Variants in CNIH4 observed in about 807,000 individuals in gnomAD.
CNIH4 encodes the protein protein cornichon homolog 4.
Under a neutral mutation model 21.5 loss-of-function variants are expected in CNIH4, and 9 were observed. The ratio of observed to expected loss-of-function variants is 0.42; its 90% CI spans 0.25 to 0.73. The LOEUF (loss-of-function observed/expected upper bound fraction) is 0.73, where lower values mean the gene tolerates loss of function less well. Among genes scored for constraint, CNIH4 ranks in the 30% least tolerant of loss-of-function variants. The pLI is 0.27. For synonymous variants in CNIH4, 67 were observed against 59.1 expected (o/e 1.13, Z -0.61); for missense variants, 159 against 170.0 (o/e 0.94, Z 0.36).
chr1:224,363,077 A>G (rs1672346118), intron 2 of CNIH4, among the ~76,000 whole-genome samples: 1 of 149,530 alleles, frequency 6.7e-6, no homozygotes, highest in African/African-American at 2.5e-5. Flanking sequence ...GGAGTTTTGC[A>G]CTTGTTGTCT....
chr1:224,358,556 TA>T (rs200831994), intron 1 of CNIH4, among the ~76,000 whole-genome samples: 1,552 of 152,236 alleles, frequency 0.01, 8 homozygotes, highest in Middle Eastern at 0.017. Context: ...TAAACTTTCT[TA>T]AAACATTATG....
chr1:224,374,764 C>T (rs572865518), intron 4 of CNIH4, among the ~76,000 whole-genome samples: 8 of 152,140 alleles, frequency 5.3e-5, no homozygotes, highest in Non-Finnish European at 1.2e-4. Flanking sequence ...TTAATAGTAC[C>T]TACCTCATCA....
upstream of CNIH4, chr1:224,356,867 G>T: frequency 1.4e-6 from 2 of 1,453,174 alleles, no homozygotes; most frequent in South Asian, 1.2e-5. Context: ...CCTATCAGGG[G>T]TGGGTCGGGG....
chr1:224,371,259 T>C (rs1672618518), intron 3 of CNIH4, 24 bp from the exon 4 acceptor site: 4 of 1,598,134 alleles, frequency 2.5e-6, no homozygotes, highest in Non-Finnish European at 3.4e-6. Flanking sequence ...ATCCTTCTAA[T>C]GTGTGTATCC....
In CNIH4 at chr1:224,375,940, CA is replaced by C. The variant is rs1193482479; in HGVS notation, c.*124del. The C allele has an allele frequency of 3.6e-6, 5 of 1,383,676 alleles. No individual in the cohort carries two copies. The highest frequency in any genetic ancestry group is 4.7e-6 in the Non-Finnish European group (5 of 1,059,888). 85.7% of individuals were successfully genotyped at this position (1,383,676 alleles called of 1,614,324 possible). A position where few individuals can be genotyped will look rare whatever the true frequency, so the allele number is the denominator to read the frequency against. Reference sequence around the variant, plus strand: ...AGCAGTATATATTTTCCTCTTGGAACAAAAAACTATTTTTGCTGTATTTTTA... The same window carrying C: ...AGCAGTATATATTTTCCTCTTGGAACAAAAACTATTTTTGCTGTATTTTTA... On this transcript the variant is annotated 3_prime_UTR_variant, in exon 5 of 5. Coordinates refer to ENST00000465271, the MANE Select transcript of CNIH4 (RefSeq NM_014184.4).
rs939018564 is a variant in CNIH4 at position 224,378,431 on chromosome 1, A to G, written c.*2609A>G. 2.0e-5 allele frequency: 3 copies of G among 152,400 alleles called. No individual in the cohort carries two copies. The highest frequency in any genetic ancestry group is 7.2e-5 in the African/African-American group (3 of 41,476). The allele number at this position is 152,400 out of a possible 1,614,324, so 9.4% of individuals were successfully genotyped here. ...TTTAAAAAGCCATGTTTAAGATGCT[A>G]TAAATGTTCTCCCCTTTTCATTGAT... is the stretch of plus-strand genomic sequence containing the variant. On this transcript the variant is annotated 3_prime_UTR_variant, in exon 5 of 5. Transcript: ENST00000465271.
Position 224,378,947 on chromosome 1 carries a change from C to T in CNIH4, c.*3125C>T. ...CAGTGTTCTCTCTCCCTTACCACTC[C>T]TCTTCCCCTTCCCTCTATAATGGCA... On this transcript the variant is annotated 3_prime_UTR_variant, in exon 5 of 5. Transcript: ENST00000465271. The T allele has an allele frequency of 1.1e-6, 1 of 931,066 alleles. No homozygotes were observed. Among genetic ancestry groups the T allele is most frequent in the Non-Finnish European group, 1.7e-6 (1 of 585,806 alleles). The allele number at this position is 931,066 out of a possible 1,614,324, so 57.7% of individuals were successfully genotyped here.
intron 4 of CNIH4, among the ~76,000 whole-genome samples, chr1:224,373,783 A>G (rs1331313755): frequency 6.6e-6 from 1 of 152,042 alleles, no homozygotes. Flanking sequence ...AGCCGATATC[A>G]TGCCACTGCA....
intron 3 of CNIH4, among the ~76,000 whole-genome samples, 162 bp from the exon 4 acceptor site, chr1:224,371,121 C>G (rs1672611702): frequency 6.6e-6 from 1 of 152,194 alleles, no homozygotes; most frequent in African/African-American, 2.4e-5. Flanking sequence ...AGGTGATCCA[C>G]CTGCCTTGGC....
At chr1:224,370,602 A>G (rs531486379) in intron 3 of CNIH4, among the ~76,000 whole-genome samples, 1 of 152,294 alleles carries the variant, frequency 6.6e-6, no homozygotes, top group Non-Finnish European at 1.5e-5. Flanking sequence ...GTTTCTAAGA[A>G]CTTAATAAAA....
chr1:224,363,191 T>G (rs1672350401), intron 2 of CNIH4, among the ~76,000 whole-genome samples: 1 of 151,968 alleles, frequency 6.6e-6, no homozygotes, highest in South Asian at 2.1e-4. Flanking sequence ...ATTACAGGGG[T>G]GTGCCACCAT....
At chr1:224,374,386 C>T (rs1429209788) in intron 4 of CNIH4, among the ~76,000 whole-genome samples, 1 of 151,332 alleles carries the variant, frequency 6.6e-6, no homozygotes, top group African/African-American at 2.4e-5. Context: ...CTACCACTTA[C>T]ACTGTGGCCT....
intron 1 of CNIH4, among the ~76,000 whole-genome samples, chr1:224,358,975 T>C (rs925569303): frequency 6.6e-6 from 1 of 152,242 alleles, no homozygotes; most frequent in African/African-American, 2.4e-5. Flanking sequence ...TCTTGGACTT[T>C]GAACTGTGGA....
chr1:224,361,805 A>C (rs1672296688), intron 2 of CNIH4, among the ~76,000 whole-genome samples: 2 of 151,880 alleles, frequency 1.3e-5, no homozygotes, highest in African/African-American at 2.4e-5. Flanking sequence ...GGCTGGTCTG[A>C]AATTCCTAGG....
rs557596476 is a variant in CNIH4, at chr1:224,373,957, G to A, written c.393-1838G>A. ...GGCAACTCATGTAACTGGTTTGCCT[G>A]GGCAGCTGTGTACTTCACTGGCTGT... On this transcript the variant is annotated intron_variant, in intron 4 of 4. Coordinates refer to ENST00000465271, the MANE Select transcript of CNIH4 (RefSeq NM_014184.4). Among the ~76,000 whole-genome samples, 22 of 152,354 alleles carry A rather than the reference G, an allele frequency of 1.4e-4. No individual in the cohort carries two copies. In the South Asian group the frequency reaches 4.6e-3, roughly 32 times the overall value.
At chr1:224,366,514 C>A (rs1479487932) in intron 3 of CNIH4, among the ~76,000 whole-genome samples, 3 of 151,410 alleles carry the variant, frequency 2.0e-5, no homozygotes, top group African/African-American at 7.3e-5. Context: ...CAGTGCCTGG[C>A]TAATTTTTGT....
intron 4 of CNIH4, among the ~76,000 whole-genome samples, chr1:224,372,614 G>C (rs996474025): frequency 6.6e-6 from 1 of 151,582 alleles, no homozygotes; most frequent in Admixed American, 6.6e-5. Flanking sequence ...ACAGAGTCTC[G>C]CTCTGTCACC....
rs569366597 is a variant in CNIH4, at chr1:224,358,512, A to G, written c.69+1519A>G. Among the ~76,000 whole-genome samples the G allele has an allele frequency of 1.8e-4, 28 of 152,368 alleles. No homozygotes were observed. The East Asian group carries it at 5.4e-3, about 29-fold the overall frequency. The stretch of plus-strand genomic sequence containing the variant: ...ACGGCCCACGGGCTGCATGTGGTCC[A>G]GGACAGCTTTGAATGTGGCCCAACA... On this transcript the variant is annotated intron_variant, in intron 1 of 4. Transcript: ENST00000465271.
Position 224,378,998 on chromosome 1 carries a change from A to G in CNIH4, c.*3176A>G. 6.9e-7 allele frequency: 1 copy of G among 1,455,300 alleles called. No individual in the cohort carries two copies. Among genetic ancestry groups the G allele is most frequent in the Non-Finnish European group, 9.4e-7 (1 of 1,060,038 alleles). The allele number at this position is 1,455,300 out of a possible 1,614,324, so 90.1% of individuals were successfully genotyped here. A position where few individuals can be genotyped will look rare whatever the true frequency, so the allele number is the denominator to read the frequency against. On this transcript the variant is annotated 3_prime_UTR_variant, in exon 5 of 5. Transcript: ENST00000465271. ...GTACCCAGGGCCCGGTCCATAGACT[A>G]CTATCGAGTGCTCCTATGTGCATCT...
Sources: allele counts gnomAD v4.1 joint callset (sites outside exome capture counted in the v4.1 genomes callset), GRCh38; gene constraint gnomAD v4.1.1; transcripts MANE v1.5; gene names NCBI Gene and HGNC (gene_info 2026-07-23, HGNC 2026-07-21).